The following ANKRD44 variants were observed in gnomAD, a reference collection of about 807,000 sequenced individuals.
ANKRD44 encodes the protein serine/threonine-protein phosphatase 6 regulatory ankyrin repeat subunit B.
A neutral mutation model predicts 116.0 loss-of-function variants in ANKRD44; 35 were observed. The observed-to-expected ratio is 0.30, with a 90% CI of 0.23 to 0.40. The LOEUF is 0.40. ANKRD44 is among the 10% of genes least tolerant of loss of function. ANKRD44 has a pLI of 1.00. For synonymous variants in ANKRD44, 435 were observed against 461.8 expected, an observed-to-expected ratio of 0.94 and a Z score of 0.74; for missense variants, 1,014 against 1,242.6, an observed-to-expected ratio of 0.82 and a Z score of 2.77.
intron 2 of ANKRD44, among the ~76,000 whole-genome samples, chr2:197,168,316 C>CAATA (rs2080146398): frequency 6.6e-6 from 1 of 152,172 alleles, no homozygotes; most frequent in Non-Finnish European, 1.5e-5. Context: ...TTTTATACTG[C>CAATA]AATAGTAAAA....
intron 21 of ANKRD44, among the ~76,000 whole-genome samples, chr2:197,003,377 G>C (rs6757462): frequency 0.78 from 119,213 of 152,028 alleles, 49,703 homozygotes; most frequent in East Asian, 0.97. Context: ...ACATGGAACC[G>C]TCATTGAAAT....
chr2:196,984,634 C>T (rs922867909), downstream of ANKRD44, among the ~76,000 whole-genome samples: 2 of 152,156 alleles, frequency 1.3e-5, no homozygotes, highest in Non-Finnish European at 2.9e-5. Flanking sequence ...AGACAAAGTG[C>T]CACATCAATG....
At chr2:196,996,784 G>A (rs1381641176) in intron 25 of ANKRD44, among the ~76,000 whole-genome samples, 1 of 151,376 alleles carries the variant, frequency 6.6e-6, no homozygotes, top group African/African-American at 2.4e-5. Flanking sequence ...CATGCCTGTA[G>A]TCCCAGCTAC....
chr2:196,967,229 C>T, exon 22 of ANKRD44: 1 of 248,502 alleles, frequency 4.0e-6, no homozygotes, highest in East Asian at 8.2e-5. Context: ...TTTCCAGTAT[C>T]TTGTTCCCAG....
chr2:196,972,101 G>A (rs534946709), intron 21 of ANKRD44, among the ~76,000 whole-genome samples: 43 of 152,318 alleles, frequency 2.8e-4, no homozygotes, highest in African/African-American at 1.0e-3. Context: ...AGTGAGGGAG[G>A]AGGATAGGAG....
intron 1 of ANKRD44, among the ~76,000 whole-genome samples, chr2:197,237,699 C>T (rs6749611): frequency 0.15 from 23,125 of 152,182 alleles, 2,163 homozygotes; most frequent in African/African-American, 0.27. Context: ...GCATCACTCC[C>T]TAAAATACAA....
rs193295995 is a variant in ANKRD44 at position 197,232,829 on chromosome 2, C to T, written c.28-45723G>A. 5.9e-5 allele frequency among the ~76,000 whole-genome samples: 9 copies of T among 152,310 alleles called. 1 individual carries two copies. The highest frequency in any genetic ancestry group is 3.9e-4 in the East Asian group (2 of 5,188). On this transcript the variant is annotated intron_variant, in intron 1 of 27. Transcript: ENST00000282272. Reference sequence around the variant, plus strand: ...CCCACATAAGAGAGCAGAACTCTCACGCACTTCTCACAAGCATACCAAGAA... The same window carrying T: ...CCCACATAAGAGAGCAGAACTCTCATGCACTTCTCACAAGCATACCAAGAA...
intron 2 of ANKRD44, among the ~76,000 whole-genome samples, chr2:197,167,054 T>C (rs1190023587): frequency 6.6e-6 from 1 of 152,226 alleles, no homozygotes; most frequent in Non-Finnish European, 1.5e-5. Flanking sequence ...CAGTCTGAGT[T>C]TATACTGTGT....
chr2:197,310,392 G>A (rs974797272), intron 1 of ANKRD44, among the ~76,000 whole-genome samples, 186 bp downstream of exon 1: 1 of 147,382 alleles, frequency 6.8e-6, no homozygotes, highest in African/African-American at 2.4e-5. Context: ...GCCCAGGGCG[G>A]GGACGGCGCG....
intron 2 of ANKRD44, among the ~76,000 whole-genome samples, chr2:197,173,775 G>A (rs1173314427): frequency 6.6e-6 from 1 of 152,180 alleles, no homozygotes; most frequent in Admixed American, 6.5e-5. Context: ...GCTCACACCT[G>A]TAATCCAAAC....
intron 1 of ANKRD44, among the ~76,000 whole-genome samples, chr2:197,219,070 CTT>C (rs1185156257): frequency 8.0e-5 from 9 of 113,048 alleles, no homozygotes; most frequent in Admixed American, 1.9e-4. Flanking sequence ...GCTAAAGTTC[CTT>C]TTTTTTTTTT....
chr2:197,232,291 T>G (rs1197289326), intron 1 of ANKRD44, among the ~76,000 whole-genome samples: 2 of 152,308 alleles, frequency 1.3e-5, no homozygotes, highest in Non-Finnish European at 2.9e-5. Flanking sequence ...GAGCCCTGTA[T>G]AAGCATCTAC....
intron 7 of ANKRD44, among the ~76,000 whole-genome samples, chr2:197,121,966 G>A (rs907689178): frequency 6.6e-6 from 1 of 152,144 alleles, no homozygotes; most frequent in African/African-American, 2.4e-5. Context: ...GGCAGGGGAG[G>A]TGGCTGTGGA....
chr2:197,004,810 A>G (rs2076173942), intron 21 of ANKRD44, among the ~76,000 whole-genome samples: 3 of 152,168 alleles, frequency 2.0e-5, no homozygotes, highest in Admixed American at 6.5e-5. Flanking sequence ...GGACATGCAC[A>G]TTGCTGCATT....
rs1034611916 is a variant in ANKRD44, at chr2:196,989,612, G to C, written c.2961C>G (p.Thr987=). ...AGTCTCATTCTTCTTTTTGTACAGC[G>C]GTTCCAGGTGTGGAACGGGGTCCAT... The part of the protein sequence containing the change: ...RSNGPRSTPG[T]AVQKEE Residue 987 remains threonine, a synonymous_variant, in exon 28 of 28, where the codon ACC becomes ACG. Coordinates refer to ENST00000282272, the MANE Select transcript of ANKRD44 (RefSeq NM_001195144.2). The C allele has an allele frequency of 1.1e-5, 17 of 1,549,864 alleles. No individual in the cohort carries two copies. Among genetic ancestry groups the C allele is most frequent in the Non-Finnish European group, 1.4e-5 (16 of 1,146,720 alleles).
intron 1 of ANKRD44, among the ~76,000 whole-genome samples, chr2:197,297,956 T>C: frequency 6.6e-6 from 1 of 152,238 alleles, no homozygotes; most frequent in East Asian, 1.9e-4. Context: ...CAGTATCATT[T>C]ACTCAAGTCA....
chr2:197,065,288 G>A (rs1432354271), intron 16 of ANKRD44, among the ~76,000 whole-genome samples: 1 of 152,050 alleles, frequency 6.6e-6, no homozygotes, highest in Non-Finnish European at 1.5e-5. Context: ...AGAATCTCTG[G>A]GACACATTTA....
intron 13 of ANKRD44, 65 bp from the exon 14 acceptor site, chr2:197,083,574 G>C: frequency 6.5e-7 from 1 of 1,544,236 alleles, no homozygotes; most frequent in Admixed American, 1.8e-5. Flanking sequence ...GTTGGCACTA[G>C]CACTGGCAGC....
chr2:197,091,813 C>T (rs769669597), intron 10 of ANKRD44, among the ~76,000 whole-genome samples: 2 of 152,136 alleles, frequency 1.3e-5, no homozygotes, highest in Non-Finnish European at 2.9e-5. Flanking sequence ...CTTCATCTTC[C>T]TAATAGATTT....
Sources: gnomAD v4.1 joint callset for allele counts (sites outside exome capture counted in the v4.1 genomes callset) on GRCh38, gnomAD v4.1.1 for gene constraint, MANE v1.5 for transcripts, NCBI Gene and HGNC (gene_info 2026-07-23, HGNC 2026-07-21) for gene names.